The following ARHGAP29 variants were observed in gnomAD, a reference collection of about 807,000 sequenced individuals.
ARHGAP29 encodes the protein Rho GTPase activating protein 29, also known as rho GTPase-activating protein 29.
Under a neutral mutation model 122.6 loss-of-function variants are expected in ARHGAP29, and 43 were observed. The ratio of observed to expected loss-of-function variants is 0.35; its 90% CI spans 0.27 to 0.45. The LOEUF (loss-of-function observed/expected upper bound fraction) is 0.45, where lower values mean the gene tolerates loss of function less well. ARHGAP29 is among the 20% of genes least tolerant of loss of function. ARHGAP29 has a pLI of 1.00. For missense variants in ARHGAP29, 1,303 were observed against 1,477.2 expected (o/e 0.88, Z 1.93); for synonymous variants, 506 against 497.1 (o/e 1.02, Z -0.24).
chr1:94,210,852 A>G (rs763076473), intron 3 of ARHGAP29, among the ~76,000 whole-genome samples: 2 of 151,372 alleles, frequency 1.3e-5, no homozygotes, highest in Non-Finnish European at 2.9e-5. Flanking sequence ...GCAGTTAGTT[A>G]TAACTGCACC....
At chr1:94,189,775 T>A (rs1650024211) in intron 13 of ARHGAP29, 151 bp downstream of exon 13, 6 of 694,668 alleles carry the variant, frequency 8.6e-6, no homozygotes, top group Non-Finnish European at 2.4e-6. Flanking sequence ...TCTTTAAATA[T>A]ATCTACTTCG....
intron 12 of ARHGAP29, among the ~76,000 whole-genome samples, chr1:94,199,406 T>C (rs186370126): frequency 1.3e-5 from 2 of 152,344 alleles, no homozygotes; most frequent in Admixed American, 6.5e-5. Flanking sequence ...GCATTTACCA[T>C]GTTTTTTATT....
intron 5 of ARHGAP29, among the ~76,000 whole-genome samples, chr1:94,208,602 G>T (rs1651369055): frequency 6.6e-6 from 1 of 151,884 alleles, no homozygotes; most frequent in Non-Finnish European, 1.5e-5. Context: ...TGGGATTACA[G>T]GTGCCCACCA....
In ARHGAP29 at chr1:94,171,295, C is replaced by T. The variant is rs1648723597; in HGVS notation, c.*2574G>A. Among the ~76,000 whole-genome samples, 1 of 152,152 alleles carries T rather than the reference C, an allele frequency of 6.6e-6. No homozygotes were observed. Among genetic ancestry groups the T allele is most frequent in the Non-Finnish European group, 1.5e-5 (1 of 68,020 alleles). The stretch of plus-strand genomic sequence containing the variant: ...CTCTGTATCAAAACAAATACACTGC[C>T]TAAGGTACACTAAAAGTAATTTAAC... On this transcript the variant is annotated 3_prime_UTR_variant, in exon 23 of 23. Transcript: ENST00000260526.
chr1:94,199,846 T>C (rs1327181164), intron 12 of ARHGAP29, among the ~76,000 whole-genome samples: 1 of 152,172 alleles, frequency 6.6e-6, no homozygotes, highest in African/African-American at 2.4e-5. Flanking sequence ...TCTTGGGAAA[T>C]TTAAATCCTA....
At chr1:94,194,604 G>A (rs1650330917) in intron 12 of ARHGAP29, 1 of 152,190 alleles carries the variant, frequency 6.6e-6, no homozygotes, top group Non-Finnish European at 1.5e-5. Context: ...TCACATGATA[G>A]AAGGGGAAGG....
At chr1:94,312,892 C>A in the ARHGAP29 span, among the ~76,000 whole-genome samples, 1 of 152,176 alleles carries the variant, frequency 6.6e-6, no homozygotes, top group Non-Finnish European at 1.5e-5. Context: ...GGGCTCCAGC[C>A]TCAGACCTCA....
At chr1:94,301,598 T>C in the ARHGAP29 span, among the ~76,000 whole-genome samples, 1 of 152,158 alleles carries the variant, frequency 6.6e-6, no homozygotes, top group Non-Finnish European at 1.5e-5. Flanking sequence ...TTCTGCCCCT[T>C]GTATGGTGGC....
Position 94,203,018 on chromosome 1 carries a change from TG to T in ARHGAP29, c.874-21del. 6.2e-7 allele frequency: 1 copy of T among 1,601,122 alleles called. No homozygotes were observed. Among genetic ancestry groups the T allele is most frequent in the Non-Finnish European group, 8.5e-7 (1 of 1,176,268 alleles). ...TAGAGGCTGTGAAAGGTATTTAAAA[TG>T]GAAAAAGAGAAAAGCAATTTTCTAA... On this transcript the variant is annotated intron_variant, in intron 9 of 22. Coordinates refer to ENST00000260526, the MANE Select transcript of ARHGAP29 (RefSeq NM_004815.4).
At chr1:94,263,897 G>A (rs956696917) in intron 1 of ARHGAP29, among the ~76,000 whole-genome samples, 1 of 152,138 alleles carries the variant, frequency 6.6e-6, no homozygotes, top group Non-Finnish European at 1.5e-5. Flanking sequence ...TCTTCTAGAA[G>A]TTCCTTACTT....
At chr1:94,182,468 T>G (rs1415935741) in intron 19 of ARHGAP29, among the ~76,000 whole-genome samples, 1 of 152,022 alleles carries the variant, frequency 6.6e-6, no homozygotes, top group Admixed American at 6.6e-5. Flanking sequence ...GTGCCCTGAA[T>G]AGTGGATAAA....
rs371142754 is a variant in ARHGAP29, at chr1:94,196,293, G to C, written c.1281+5427C>G. On this transcript the variant is annotated intron_variant, in intron 12 of 22. Coordinates refer to ENST00000260526, the MANE Select transcript of ARHGAP29 (RefSeq NM_004815.4). The stretch of plus-strand genomic sequence containing the variant: ...TTTTTTTTTTTTGAGACGGAGTCTC[G>C]CTCTGTCGCCCAGGCTGGAGTGCAG... Among the ~76,000 whole-genome samples the C allele has an allele frequency of 6.5e-4, 73 of 112,672 alleles. 1 individual carries two copies. The East Asian group carries it at 0.014, about 22-fold the overall frequency. 73.9% of individuals were successfully genotyped at this position (112,672 alleles called of 152,430 possible).
chr1:94,280,725 C>A, the ARHGAP29 span, among the ~76,000 whole-genome samples: 1 of 152,138 alleles, frequency 6.6e-6, no homozygotes, highest in Non-Finnish European at 1.5e-5. Flanking sequence ...GGTGAGTGAA[C>A]AAGGGAAATT....
chr1:94,260,899 A>C (rs1654534264), intron 1 of ARHGAP29, among the ~76,000 whole-genome samples: 1 of 152,138 alleles, frequency 6.6e-6, no homozygotes, highest in African/African-American at 2.4e-5. Flanking sequence ...CTATCTTATA[A>C]ATTATGTTCT....
chr1:94,207,205 C>T (rs1438991900), intron 5 of ARHGAP29, among the ~76,000 whole-genome samples: 2 of 151,762 alleles, frequency 1.3e-5, no homozygotes, highest in Admixed American at 6.6e-5. Flanking sequence ...GACTGGGTTT[C>T]GCCACGTTGG....
chr1:94,286,066 GA>G, the ARHGAP29 span, among the ~76,000 whole-genome samples: 1 of 152,180 alleles, frequency 6.6e-6, no homozygotes, highest in South Asian at 2.1e-4. Context: ...GCTTAGAACA[GA>G]AATTTACTTC....
intron 12 of ARHGAP29, among the ~76,000 whole-genome samples, chr1:94,196,247 CGTGT>C (rs1173746608): frequency 1.4e-5 from 2 of 139,004 alleles, no homozygotes; most frequent in African/African-American, 5.4e-5. Context: ...TCGATTTTTC[CGTGT>C]TTTTCTTTTT....
the ARHGAP29 span, among the ~76,000 whole-genome samples, chr1:94,298,441 A>G: frequency 1.3e-5 from 2 of 152,160 alleles, no homozygotes; most frequent in African/African-American, 4.8e-5. Flanking sequence ...CTTGGCTTTG[A>G]CTATTTTCAA....
chr1:94,202,918 C>A lies in ARHGAP29; in HGVS notation c.954G>T (p.Met318Ile). The part of the protein sequence containing the change: ...KELWKQEQNK[M>I]LEAENALKKA... ...CATGAAACTCCATTTTAATACTAAC[C>A]ATTTTATTTTGCTCCTGTTTCCAAA... The change falls in exon 10 of 23, where the codon ATG (methionine) becomes ATT (isoleucine). Residue 318 changes from methionine (M) to isoleucine (I), a missense_variant and splice_region_variant. Met to Ile is a conservative substitution (Grantham distance 10). Around this residue, in one of 3 missense-constraint regions of ARHGAP29, gnomAD observed 592 missense variants for 648.2 expected, o/e 0.91. Coordinates refer to ENST00000260526, the MANE Select transcript of ARHGAP29 (RefSeq NM_004815.4). The A allele has an allele frequency of 6.3e-7, 1 of 1,598,902 alleles. No homozygotes were observed. The highest frequency in any genetic ancestry group is 8.5e-7 in the Non-Finnish European group (1 of 1,174,948).
Sources: allele counts gnomAD v4.1 joint callset (sites outside exome capture counted in the v4.1 genomes callset), GRCh38; gene constraint gnomAD v4.1.1; regional missense constraint gnomAD v4.1.1; transcripts MANE v1.5; gene names NCBI Gene and HGNC (gene_info 2026-07-23, HGNC 2026-07-21).